The following COL4A6 variants were observed in gnomAD, a reference collection of about 807,000 sequenced individuals.
COL4A6 encodes the protein collagen alpha-6(IV) chain.
COL4A6 carries 59 observed loss-of-function variants against 126.7 expected under a neutral mutation model. The ratio of observed to expected loss-of-function variants is 0.47; its 90% CI spans 0.38 to 0.58. The LOEUF (loss-of-function observed/expected upper bound fraction) is 0.58. COL4A6 is among the 20% of genes least tolerant of loss of function. The pLI is 0.00. For missense variants in COL4A6, 1,285 were observed against 1,337.3 expected (o/e 0.96, Z 0.61); for synonymous variants, 547 against 496.6 (o/e 1.10, Z -1.35).
At chrX:108,397,612 G>C (rs755234805) in intron 2 of COL4A6, among the ~76,000 whole-genome samples, 1 of 93,402 alleles carries the variant, frequency 1.1e-5, no homozygotes. Flanking sequence ...TAGGCAAAAA[G>C]AACAAGCAGA....
chrX:108,174,996 G>A, intron 30 of COL4A6, 94 bp downstream of exon 30: 1 of 1,043,223 alleles, frequency 9.6e-7, no homozygotes, highest in Non-Finnish European at 1.3e-6. Flanking sequence ...GGCGATGGGG[G>A]GCTGTACTTG....
intron 2 of COL4A6, among the ~76,000 whole-genome samples, chrX:108,435,056 A>G (rs929600285): frequency 8.1e-5 from 9 of 111,230 alleles, no homozygotes; most frequent in Admixed American, 1.9e-4. Context: ...GCATGTTACA[A>G]CTTTAAAGAA....
In COL4A6 at chrX:108,190,409, C is replaced by T. The variant is rs1254060312; in HGVS notation, c.1409G>A (p.Gly470Asp). 1.7e-6 allele frequency: 2 copies of T among 1,200,010 alleles called. No individual in the cohort carries two copies. The highest frequency in any genetic ancestry group is 5.9e-5 in the East Asian group (2 of 33,675). The stretch of plus-strand genomic sequence containing the variant: ...AAAATCACCTTTTATTCCTTTGAGG[C>T]CTAGGTTTCCTTTTGGACCTTGTTC... ...RGEQGPKGNL[G>D]LKGIKGDSGF... Residue 470 changes from glycine (G) to aspartate (D), a missense_variant, in exon 20 of 45, where the codon GGC becomes GAC. Transcript: ENST00000334504.
At chrX:108,426,317 A>G (rs988385801) in intron 2 of COL4A6, among the ~76,000 whole-genome samples, 1 of 112,173 alleles carries the variant, frequency 8.9e-6, no homozygotes, top group African/African-American at 3.2e-5. Context: ...GTGCCAGACA[A>G]TTCTGGGAAA....
At chrX:108,187,051 G>A (rs1192734069) in intron 23 of COL4A6, 45 bp downstream of exon 23, 2 of 1,058,529 alleles carry the variant, frequency 1.9e-6, no homozygotes, top group Non-Finnish European at 2.5e-6. Flanking sequence ...CACTCTACAA[G>A]GGGTCAAATT....
chrX:108,382,962 AAAT>A (rs4035941), intron 2 of COL4A6, among the ~76,000 whole-genome samples: 6,472 of 88,254 alleles, frequency 0.073, 232 homozygotes, highest in Middle Eastern at 0.11. Context: ...CCCCCGCCAA[AAAT>A]AATAATAATA....
At chrX:108,342,396 A>G (rs952081527) in intron 2 of COL4A6, among the ~76,000 whole-genome samples, 8 of 111,752 alleles carry the variant, frequency 7.2e-5, no homozygotes, top group East Asian at 2.8e-4. Flanking sequence ...AGTGTAGGCT[A>G]ATAAATGATA....
At chrX:108,168,671 A>T (rs898169793) in intron 37 of COL4A6, among the ~76,000 whole-genome samples, 28 of 112,084 alleles carry the variant, frequency 2.5e-4, no homozygotes, top group African/African-American at 9.1e-4. Flanking sequence ...TATAATGTTC[A>T]TTTTATGGAA....
intron 3 of COL4A6, among the ~76,000 whole-genome samples, chrX:108,275,025 G>GAATTATTT (rs1412355607): frequency 1.8e-5 from 2 of 111,118 alleles, no homozygotes; most frequent in Non-Finnish European, 3.8e-5. Context: ...CCATAGCACA[G>GAATTATTT]AATTATTTTA....
intron 2 of COL4A6, among the ~76,000 whole-genome samples, chrX:108,412,914 C>T (rs1311775313): frequency 1.8e-5 from 2 of 112,234 alleles, no homozygotes; most frequent in South Asian, 7.4e-4. Context: ...GGTATGCATG[C>T]CAAAGAATCA....
intron 13 of COL4A6, among the ~76,000 whole-genome samples, chrX:108,198,729 C>T (rs1349955582): frequency 9.0e-6 from 1 of 111,245 alleles, no homozygotes; most frequent in Non-Finnish European, 1.9e-5. Context: ...GTTTCCAGGC[C>T]TGCTCTCCTG....
At chrX:108,212,433 A>AT (rs2035737253) in intron 6 of COL4A6, among the ~76,000 whole-genome samples, 2 of 111,153 alleles carry the variant, frequency 1.8e-5, no homozygotes, top group African/African-American at 6.6e-5. Context: ...TTTCAACTAG[A>AT]TTTTTTGCTG....
At chrX:108,284,176 T>C (rs1217132486) in intron 3 of COL4A6, among the ~76,000 whole-genome samples, 1 of 111,662 alleles carries the variant, frequency 9.0e-6, no homozygotes, top group East Asian at 2.8e-4. Flanking sequence ...TTATTCTTTT[T>C]TATATAATTG....
intron 3 of COL4A6, among the ~76,000 whole-genome samples, chrX:108,224,192 G>T (rs1407301016): frequency 8.9e-6 from 1 of 111,856 alleles, no homozygotes; most frequent in Non-Finnish European, 1.9e-5. Flanking sequence ...GGCCTAACTG[G>T]AACTCTGATT....
intron 22 of COL4A6, 122 bp from the exon 23 acceptor site, chrX:108,187,401 T>C (rs2034902505): frequency 3.6e-6 from 2 of 552,289 alleles, no homozygotes; most frequent in Non-Finnish European, 5.4e-6. Flanking sequence ...AAATTATCTA[T>C]CATCACCATA....
chrX:108,195,464 G>A (rs1278700948), intron 14 of COL4A6, among the ~76,000 whole-genome samples: 2 of 111,558 alleles, frequency 1.8e-5, no homozygotes, highest in Non-Finnish European at 3.8e-5. Flanking sequence ...TAGAGACAGG[G>A]TTTCACCACA....
chrX:108,279,063 G>A (rs1309397353), intron 3 of COL4A6, among the ~76,000 whole-genome samples: 1 of 111,893 alleles, frequency 8.9e-6, no homozygotes, highest in Non-Finnish European at 1.9e-5. Flanking sequence ...GACCATCGAG[G>A]CTAGGAAGAA....
chrX:108,328,488 C>G (rs2039218756), intron 2 of COL4A6, among the ~76,000 whole-genome samples: 1 of 111,257 alleles, frequency 9.0e-6, no homozygotes, highest in Non-Finnish European at 1.9e-5. Context: ...ACTGCCAAAG[C>G]TTTACAATAC....
chrX:108,187,191 C>T lies in COL4A6; in HGVS notation c.1856G>A (p.Gly619Glu), dbSNP rs777747305. ...KGHPGPPGLP[G>E]NGLPGLPGPR... is the part of the protein sequence containing the mutation. ...TCCAGGAAGTCCTGGTAACCCATTTCCTGGGAGGCCAGGTGGACCAGGATG... is the reference window on the plus strand; with the variant it reads ...TCCAGGAAGTCCTGGTAACCCATTTTCTGGGAGGCCAGGTGGACCAGGATG... The change falls in exon 23 of 45, where the codon GGA becomes GAA. Residue 619 changes from glycine (G) to glutamate (E), a missense_variant. Coordinates refer to ENST00000334504, the MANE Select transcript of COL4A6 (RefSeq NM_033641.4). 6 of 1,194,837 alleles carry T rather than the reference C, an allele frequency of 5.0e-6. No individual in the cohort carries two copies. The African/African-American group carries it at 8.8e-5, about 18-fold the overall frequency.
Sources: gnomAD v4.1 joint callset for allele counts (sites outside exome capture counted in the v4.1 genomes callset) on GRCh38, gnomAD v4.1.1 for gene constraint, MANE v1.5 for transcripts, NCBI Gene and HGNC (gene_info 2026-07-23, HGNC 2026-07-21) for gene names.